Variants in ARHGAP24 observed in about 807,000 individuals in gnomAD.
ARHGAP24 encodes Rho GTPase activating protein 24, also known as rho GTPase-activating protein 24.
ARHGAP24 carries 50 observed loss-of-function variants against 76.4 expected under a neutral mutation model. That is an observed-to-expected ratio of 0.65 (90% CI 0.52 to 0.83). The LOEUF (loss-of-function observed/expected upper bound fraction) is 0.83. Ranked by LOEUF, ARHGAP24 falls within the 40% of genes least tolerant of loss-of-function variation. The pLI, the probability that ARHGAP24 is intolerant of heterozygous loss-of-function variation, is 0.00. For missense variants in ARHGAP24, 930 were observed against 914.2 expected (o/e 1.02, Z -0.22); for synonymous variants, 345 against 323.3 (o/e 1.07, Z -0.72).
At chr4:85,593,572 T>C (rs116452829) in intron 2 of ARHGAP24, among the ~76,000 whole-genome samples, 2,459 of 152,262 alleles carry the variant, frequency 0.016, 37 homozygotes, top group Non-Finnish European at 0.025. Context: ...CTTCTTTTAG[T>C]AGTTTCATAG....
chr4:85,996,680 G>A (rs1287267047), intron 9 of ARHGAP24, among the ~76,000 whole-genome samples: 1 of 152,190 alleles, frequency 6.6e-6, no homozygotes, highest in Non-Finnish European at 1.5e-5. Context: ...GTTTCACTGA[G>A]TGGAATTGTG....
intron 1 of ARHGAP24, among the ~76,000 whole-genome samples, chr4:85,486,906 C>T (rs1441558447): frequency 6.6e-6 from 1 of 151,806 alleles, no homozygotes; most frequent in African/African-American, 2.4e-5. Flanking sequence ...TCCTCCTGAA[C>T]TTGTGCTGGC....
intron 3 of ARHGAP24, among the ~76,000 whole-genome samples, chr4:85,863,275 C>CT (rs1732006185): frequency 6.6e-6 from 1 of 152,078 alleles, no homozygotes. Context: ...CAGTTTAAAA[C>CT]TCAGAGAAGC....
At chr4:85,826,133 C>T (rs528015620) in intron 3 of ARHGAP24, among the ~76,000 whole-genome samples, 2 of 152,278 alleles carry the variant, frequency 1.3e-5, no homozygotes, top group African/African-American at 4.8e-5. Flanking sequence ...CCACCTGTCT[C>T]CCTCCCTCTG....
intron 3 of ARHGAP24, among the ~76,000 whole-genome samples, chr4:85,849,752 A>T (rs1474472608): frequency 6.6e-6 from 1 of 151,964 alleles, no homozygotes; most frequent in Non-Finnish European, 1.5e-5. Flanking sequence ...GATTACGTTT[A>T]TTGATTTGCA....
chr4:85,943,425 G>C (rs555815272), intron 5 of ARHGAP24, among the ~76,000 whole-genome samples: 1 of 152,040 alleles, frequency 6.6e-6, no homozygotes, highest in South Asian at 2.1e-4. Context: ...GCCCTCAGAT[G>C]GTGGAAGGTA....
chr4:85,903,368 T>C (rs146457354), intron 3 of ARHGAP24, among the ~76,000 whole-genome samples: 2,081 of 152,296 alleles, frequency 0.014, 35 homozygotes, highest in Non-Finnish European at 0.018. Flanking sequence ...AGCTGAGCTT[T>C]TAGTTTTTTT....
chr4:85,686,217 T>C (rs1723418003), intron 2 of ARHGAP24, among the ~76,000 whole-genome samples: 1 of 152,090 alleles, frequency 6.6e-6, no homozygotes, highest in Admixed American at 6.5e-5. Context: ...CAACTCTTAA[T>C]GGAAAGAGTG....
chr4:85,950,126 G>A (rs1737523626), intron 5 of ARHGAP24, among the ~76,000 whole-genome samples: 1 of 152,142 alleles, frequency 6.6e-6, no homozygotes. Context: ...TAACAGGCAT[G>A]TTGCAGGTAG....
intron 2 of ARHGAP24, among the ~76,000 whole-genome samples, chr4:85,655,766 CATATATATATAT>C (rs370571889): frequency 6.7e-4 from 46 of 69,060 alleles, no homozygotes; most frequent in African/African-American, 3.6e-3. Context: ...AGTGAGACTC[CATATATATATAT>C]ATATATATAT....
intron 3 of ARHGAP24, among the ~76,000 whole-genome samples, chr4:85,767,001 G>A (rs1348664514): frequency 6.6e-6 from 1 of 152,086 alleles, no homozygotes; most frequent in Non-Finnish European, 1.5e-5. Flanking sequence ...TTACCATTGT[G>A]TTACAACTGC....
At chr4:85,865,321 G>A (rs528978450) in intron 3 of ARHGAP24, among the ~76,000 whole-genome samples, 1 of 151,648 alleles carries the variant, frequency 6.6e-6, no homozygotes, top group Admixed American at 6.6e-5. Flanking sequence ...AAAATCAATT[G>A]TTCTTGGCTG....
chr4:85,973,210 T>C (rs1321512481), intron 6 of ARHGAP24, among the ~76,000 whole-genome samples: 2 of 152,234 alleles, frequency 1.3e-5, no homozygotes, highest in African/African-American at 2.4e-5. Flanking sequence ...CTGTCGTTTT[T>C]ATCTTAGCCA....
intron 8 of ARHGAP24, among the ~76,000 whole-genome samples, chr4:85,978,080 G>A (rs978069337): frequency 6.6e-6 from 1 of 152,138 alleles, no homozygotes; most frequent in African/African-American, 2.4e-5. Context: ...GACTGACTTA[G>A]GGAAAAATGG....
chr4:85,475,919 C>T (rs893118490), intron 1 of ARHGAP24, among the ~76,000 whole-genome samples: 24 of 151,802 alleles, frequency 1.6e-4, no homozygotes, highest in African/African-American at 5.8e-4. Context: ...TCCATCCTCC[C>T]CTTCCCCTTG....
intron 4 of ARHGAP24, among the ~76,000 whole-genome samples, chr4:85,937,119 T>C (rs1322930028): frequency 6.6e-6 from 1 of 152,182 alleles, no homozygotes; most frequent in African/African-American, 2.4e-5. Context: ...AAGTCCACCA[T>C]GGCAGCACTT....
chr4:85,834,229 A>G (rs997219767), intron 3 of ARHGAP24, among the ~76,000 whole-genome samples: 2 of 152,208 alleles, frequency 1.3e-5, no homozygotes, highest in African/African-American at 2.4e-5. Flanking sequence ...AAATTTGATC[A>G]TCACAGAATG....
intron 2 of ARHGAP24, among the ~76,000 whole-genome samples, chr4:85,619,044 C>T (rs1720623923): frequency 6.6e-6 from 1 of 151,968 alleles, no homozygotes; most frequent in African/African-American, 2.4e-5. Context: ...TTTGTCAAAC[C>T]AATGTCATGG....
At chr4:85,689,547 T>G (rs997070771) in intron 2 of ARHGAP24, among the ~76,000 whole-genome samples, 3 of 152,014 alleles carry the variant, frequency 2.0e-5, no homozygotes, top group Non-Finnish European at 4.4e-5. Flanking sequence ...CCACCACACC[T>G]GGCTACTTTT....
Sources: gnomAD v4.1 joint callset for allele counts (sites outside exome capture counted in the v4.1 genomes callset) on GRCh38, gnomAD v4.1.1 for gene constraint, MANE v1.5 for transcripts, NCBI Gene and HGNC (gene_info 2026-07-23, HGNC 2026-07-21) for gene names.